Variants in TLE3 observed in about 807,000 individuals in gnomAD.
TLE3 encodes the protein transducin-like enhancer protein 3.
Under a neutral mutation model 93.0 loss-of-function variants are expected in TLE3, and 14 were observed. The observed-to-expected ratio is 0.15, with a 90% CI of 0.10 to 0.24. TLE3 has a LOEUF of 0.24. TLE3 is among the 10% of genes least tolerant of loss of function. The pLI is 1.00. For missense variants in TLE3, 693 were observed against 1,046.6 expected (o/e 0.66, Z 4.66); for synonymous variants, 451 against 425.0 (o/e 1.06, Z -0.75).
chr15:70,097,609 C>G lies in TLE3; in HGVS notation c.-811G>C. 1 of 398,402 alleles carries G rather than the reference C, an allele frequency of 2.5e-6. No individual in the cohort carries two copies. Among genetic ancestry groups the G allele is most frequent in the Non-Finnish European group, 4.4e-6 (1 of 225,868 alleles). 24.7% of individuals were successfully genotyped at this position (398,402 alleles called of 1,614,324 possible). On this transcript the variant is annotated 5_prime_UTR_variant, in exon 1 of 20. Transcript: ENST00000451782. ...CTGCTCCCAGCTTGAGCACCGCGTC[C>G]CCACCGAGGAGCGCTCAGCGCCACC...
intron 13 of TLE3, 112 bp from the exon 14 acceptor site, chr15:70,056,486 A>AC: frequency 1.1e-6 from 1 of 933,640 alleles, no homozygotes; most frequent in Non-Finnish European, 1.7e-6. Context: ...CCACTTTGTA[A>AC]CCCAAGAGAC....
chr15:70,056,161 G>A (rs1210757990), intron 14 of TLE3, 137 bp downstream of exon 14: 7 of 962,652 alleles, frequency 7.3e-6, no homozygotes, highest in African/African-American at 6.4e-5. Context: ...GCCTCTAGAG[G>A]GACAGATACC....
chr15:70,057,643 G>A lies in TLE3; in HGVS notation c.1067C>T (p.Thr356Met), dbSNP rs992144571. Residue 356 changes from threonine (T) to methionine (M), a missense_variant, in exon 13 of 20, where the codon ACG becomes ATG. By Grantham distance (81) the Thr-to-Met change is moderately conservative. This residue lies in a region of TLE3 where 405 missense variants were observed against 468.9 expected (regional missense o/e 0.86). Coordinates refer to ENST00000451782, the MANE Select transcript of TLE3 (RefSeq NM_001105192.3). The stretch of plus-strand genomic sequence containing the variant: ...ATAGGAGCTGGTGATGGAGATGGGC[G>A]TGCGCAGAGCCGAGGCTGCGAGGGG... ...GMDPIASALRTPISITSSYAA... is the reference protein window; with the variant it reads ...GMDPIASALRMPISITSSYAA... 7.0e-6 allele frequency: 11 copies of A among 1,578,060 alleles called. No individual in the cohort carries two copies. The highest frequency in any genetic ancestry group is 1.3e-5 in the African/African-American group (1 of 74,524).
At chr15:70,057,806 G>T in intron 12 of TLE3, 148 bp from the exon 13 acceptor site, 1 of 967,066 alleles carries the variant, frequency 1.0e-6, no homozygotes, top group African/African-American at 1.6e-5. Context: ...TGGGATCCCT[G>T]CCTTCAGAGC....
intron 6 of TLE3, chr15:70,066,469 C>T (rs3784661): frequency 1.2e-4 from 48 of 402,718 alleles, no homozygotes; most frequent in Middle Eastern, 6.2e-4. Context: ...CCTGCACCCC[C>T]GTTTCACAAA....
intron 4 of TLE3, among the ~76,000 whole-genome samples, chr15:70,076,714 CTTCT>C (rs1897147361): frequency 6.6e-6 from 1 of 152,080 alleles, no homozygotes; most frequent in Admixed American, 6.6e-5. Flanking sequence ...ACCATTAAGC[CTTCT>C]TTCTTTTTTT....
Position 70,096,187 on chromosome 15 carries a change from G to C in TLE3, c.99C>G (p.Phe33Leu). Reference protein sequence around the residue: ...AESCDRIKDEFQFLQAQYHSL... With the variant: ...AESCDRIKDELQFLQAQYHSL... ...TGTGATACTGAGCTTGCAGGAACTG[G>C]AATTCGTCTTTGATCCTGTCACAAG... The change falls in exon 2 of 20, where the codon TTC becomes TTG. Residue 33 changes from phenylalanine (F) to leucine (L), a missense_variant. Phe to Leu is a conservative substitution (Grantham distance 22). Transcript: ENST00000451782. The C allele has an allele frequency of 6.4e-7, 1 of 1,559,962 alleles. No homozygotes were observed.
chr15:70,053,190 C>T, intron 17 of TLE3, 37 bp downstream of exon 17: 1 of 1,594,210 alleles, frequency 6.3e-7, no homozygotes, highest in Non-Finnish European at 8.5e-7. Flanking sequence ...AGGGAACACA[C>T]TGCTCTTTGG....
chr15:70,061,712 AC>A (rs1028621092), intron 8 of TLE3, among the ~76,000 whole-genome samples: 1 of 152,180 alleles, frequency 6.6e-6, no homozygotes, highest in Non-Finnish European at 1.5e-5. Flanking sequence ...ACCTTCACCC[AC>A]CCACCAATTT....
At chr15:70,083,619 A>G (rs2057899652) in intron 4 of TLE3, among the ~76,000 whole-genome samples, 1 of 148,426 alleles carries the variant, frequency 6.7e-6, no homozygotes, top group Non-Finnish European at 1.5e-5. Context: ...CCAGGAGGAA[A>G]AATTCTCAAT....
intron 4 of TLE3, among the ~76,000 whole-genome samples, chr15:70,081,090 A>G (rs140129131): frequency 2.4e-3 from 361 of 152,272 alleles, no homozygotes; most frequent in African/African-American, 8.4e-3. Flanking sequence ...TTATGCTCCA[A>G]CGCCACGCAG....
At chr15:70,074,164 GCC>G (rs1443853946) in intron 6 of TLE3, among the ~76,000 whole-genome samples, 1 of 152,264 alleles carries the variant, frequency 6.6e-6, no homozygotes, top group East Asian at 1.9e-4. Context: ...AGGCAGACAG[GCC>G]CCGGGGTAAG....
In TLE3 at chr15:70,077,071, A is replaced by T. The variant is rs141284932; in HGVS notation, c.235-913T>A. ...GCCTTGTCTAAGAAGCTGCTCAGAG[A>T]TGTAATTCATTAGATCCCTAATCCC... On this transcript the variant is annotated intron_variant, in intron 4 of 19. Coordinates refer to ENST00000451782, the MANE Select transcript of TLE3 (RefSeq NM_001105192.3). 7.2e-5 allele frequency among the ~76,000 whole-genome samples: 11 copies of T among 152,306 alleles called. No individual in the cohort carries two copies. The East Asian group carries it at 2.1e-3, about 29-fold the overall frequency.
chr15:70,054,626 C>T lies in TLE3; in HGVS notation c.1638G>A (p.Val546=), dbSNP rs778822535. 5.0e-6 allele frequency: 8 copies of T among 1,611,812 alleles called. No individual in the cohort carries two copies. The East Asian group carries it at 1.8e-4, about 36-fold the overall frequency. ...KLLPDGRTLI[V]GGEASTLTIW... The stretch of plus-strand genomic sequence containing the variant: ...TGGTGAGCGTGCTGGCCTCGCCGCC[C>T]ACGATGAGCGTGCGCCCATCAGGGA... The change falls in exon 16 of 20, where the codon GTG becomes GTA. Residue 546 remains valine, a synonymous_variant. Coordinates refer to ENST00000451782, the MANE Select transcript of TLE3 (RefSeq NM_001105192.3).
chr15:70,077,822 A>G (rs1443784078), intron 4 of TLE3, among the ~76,000 whole-genome samples: 1 of 152,188 alleles, frequency 6.6e-6, no homozygotes, highest in Non-Finnish European at 1.5e-5. Flanking sequence ...ATTTGGGGAG[A>G]GACAATTCCT....
chr15:70,076,118 A>C lies in TLE3; in HGVS notation c.275T>G (p.Ile92Ser), dbSNP rs761239691. The C allele has an allele frequency of 6.2e-7, 1 of 1,614,028 alleles. No individual in the cohort carries two copies. Among genetic ancestry groups the C allele is most frequent in the South Asian group, 1.1e-5 (1 of 91,090 alleles). Residue 92 changes from isoleucine to serine, a missense_variant, in exon 5 of 20, where the codon ATC (isoleucine) becomes AGC (serine). Physicochemically the swap from Ile to Ser is moderately radical, Grantham distance 142. Transcript: ENST00000451782. ...AKRLNTILAQ[I>S]MPFLSQEHQQ... is the part of the protein sequence containing the mutation. ...TACCTCTTGTGACAGGAAAGGCATG[A>C]TCTGTGCTAAAATTGTGTTCAGTCT...
In TLE3 at chr15:70,092,072, A is replaced by G. The variant is rs2058336286; in HGVS notation, c.234+2460T>C. Among the ~76,000 whole-genome samples, 5 of 152,210 alleles carry G rather than the reference A, an allele frequency of 3.3e-5. No individual in the cohort carries two copies. The South Asian group carries it at 1.0e-3, about 32-fold the overall frequency. On this transcript the variant is annotated intron_variant, in intron 4 of 19. Transcript: ENST00000451782. The stretch of plus-strand genomic sequence containing the variant: ...TAGAGGGCAGGACACTGCATGAATA[A>G]TTCAAGCACTCCAGTCACTTGATTG...
chr15:70,057,508 G>C lies in TLE3; in HGVS notation c.1202C>G (p.Ala401Gly). The C allele has an allele frequency of 6.2e-7, 1 of 1,607,830 alleles. No homozygotes were observed. Among genetic ancestry groups the C allele is most frequent in the Non-Finnish European group, 8.5e-7 (1 of 1,177,440 alleles). The change falls in exon 13 of 20, where the codon GCT becomes GGT. Residue 401 changes from alanine to glycine, a missense_variant. By Grantham distance (60) the Ala-to-Gly change is moderately conservative. Transcript: ENST00000451782. ...NIPPQMSAAA[A>G]AAAAAYGRSP... ...TCGGCCATAGGCAGCGGCTGCAGCA[G>C]CGGCGGCGGCGCTCATCTGGGGTGG...
intron 5 of TLE3, among the ~76,000 whole-genome samples, chr15:70,074,892 A>T (rs1422491765): frequency 1.3e-5 from 2 of 152,188 alleles, no homozygotes; most frequent in African/African-American, 4.8e-5. Flanking sequence ...ACACACACAA[A>T]TTTTTCCATG....
Sources: allele counts gnomAD v4.1 joint callset (sites outside exome capture counted in the v4.1 genomes callset), GRCh38; gene constraint gnomAD v4.1.1; regional missense constraint gnomAD v4.1.1; transcripts MANE v1.5; gene names NCBI Gene and HGNC (gene_info 2026-07-23, HGNC 2026-07-21).